GRAMD1B: variants seen among roughly 807,000 people sequenced by gnomAD.
GRAMD1B encodes the protein protein Aster-B.
GRAMD1B carries 37 observed loss-of-function variants against 99.7 expected under a neutral mutation model. The ratio of observed to expected loss-of-function variants is 0.37; its 90% CI spans 0.29 to 0.49. The LOEUF (loss-of-function observed/expected upper bound fraction) is 0.49. Ranked by LOEUF, GRAMD1B falls within the 20% of genes least tolerant of loss-of-function variation. The pLI, the probability that GRAMD1B is intolerant of heterozygous loss-of-function variation, is 0.98. For missense variants in GRAMD1B, 888 were observed against 1,009.2 expected (o/e 0.88, Z 1.63); for synonymous variants, 427 against 387.6 (o/e 1.10, Z -1.19).
chr11:123,511,042 C>T (rs1940953496), intron 2 of GRAMD1B, among the ~76,000 whole-genome samples: 1 of 151,902 alleles, frequency 6.6e-6, no homozygotes, highest in South Asian at 2.1e-4. Context: ...TCTCTTTATC[C>T]TGTCCCTTTT....
At chr11:123,601,287 A>C (rs1951924583) in intron 8 of GRAMD1B, among the ~76,000 whole-genome samples, 1 of 152,120 alleles carries the variant, frequency 6.6e-6, no homozygotes, top group African/African-American at 2.4e-5. Flanking sequence ...TGTTTAAATG[A>C]AACTATGAAG....
intron 1 of GRAMD1B, among the ~76,000 whole-genome samples, chr11:123,412,803 T>C (rs1333068247): frequency 6.6e-6 from 1 of 151,964 alleles, no homozygotes; most frequent in Admixed American, 6.6e-5. Context: ...ATTTTTGAGA[T>C]GGAGTTTTGC....
intron 19 of GRAMD1B, 64 bp downstream of exon 19, chr11:123,619,288 T>G: frequency 6.5e-7 from 1 of 1,542,704 alleles, no homozygotes; most frequent in African/African-American, 1.4e-5. Context: ...TCCCTTATGC[T>G]GTGAGAAAGA....
chr11:123,409,490 C>T (rs1271460026), intron 1 of GRAMD1B, among the ~76,000 whole-genome samples: 1 of 152,340 alleles, frequency 6.6e-6, no homozygotes. Context: ...AGCTGGGACA[C>T]TTCTGGTGTC....
chr11:123,543,693 G>A (rs1022790949), intron 2 of GRAMD1B, among the ~76,000 whole-genome samples: 1 of 152,196 alleles, frequency 6.6e-6, no homozygotes, highest in African/African-American at 2.4e-5. Context: ...AAGGTAGAAG[G>A]TCAAGAAATA....
chr11:123,455,181 G>A (rs1291593239), intron 1 of GRAMD1B, among the ~76,000 whole-genome samples: 1 of 152,090 alleles, frequency 6.6e-6, no homozygotes, highest in Non-Finnish European at 1.5e-5. Context: ...AGATGAGAGG[G>A]AAAAATATTT....
intron 1 of GRAMD1B, chr11:123,480,594 G>C (rs1302801916): frequency 2.8e-6 from 1 of 359,060 alleles, no homozygotes; most frequent in Non-Finnish European, 5.0e-6. Context: ...GTTTTGGCTG[G>C]CAACAGACAG....
upstream of GRAMD1B, among the ~76,000 whole-genome samples, chr11:123,427,169 C>A (rs140091628): frequency 6.6e-6 from 1 of 152,158 alleles, no homozygotes; most frequent in Admixed American, 6.5e-5. Flanking sequence ...CAAGTGCAAT[C>A]GCTGAGATTC....
At chr11:123,529,488 A>G (rs937129112) in intron 2 of GRAMD1B, among the ~76,000 whole-genome samples, 7 of 152,188 alleles carry the variant, frequency 4.6e-5, no homozygotes, top group Non-Finnish European at 2.9e-5. Flanking sequence ...TCAATAGGGT[A>G]AGAGCTTTAG....
At chr11:123,383,205 GCTCTCTCTCTCTCT>G (rs55890434) in intron 1 of GRAMD1B, among the ~76,000 whole-genome samples, 2 of 146,846 alleles carry the variant, frequency 1.4e-5, no homozygotes, top group African/African-American at 4.9e-5. Flanking sequence ...TCAGAGTCTT[GCTCTCTCTCTCTCT>G]CTCTCTCTCT....
At chr11:123,565,348 A>G (rs57939210) in intron 2 of GRAMD1B, among the ~76,000 whole-genome samples, 2,356 of 152,204 alleles carry the variant, frequency 0.015, 54 homozygotes, top group African/African-American at 0.053. Flanking sequence ...CATAGAGGCA[A>G]TTTTAAAAGT....
intron 1 of GRAMD1B, among the ~76,000 whole-genome samples, chr11:123,469,590 A>G (rs1034192409): frequency 6.6e-6 from 1 of 152,150 alleles, no homozygotes; most frequent in Non-Finnish European, 1.5e-5. Context: ...AGTGGTGGGA[A>G]TGCTCAGTTT....
chr11:123,571,828 T>C (rs1199179309), intron 2 of GRAMD1B, among the ~76,000 whole-genome samples: 1 of 152,132 alleles, frequency 6.6e-6, no homozygotes, highest in Non-Finnish European at 1.5e-5. Context: ...GAACATTCTC[T>C]TCTCTCCTAC....
In GRAMD1B at chr11:123,528,556, G is replaced by A. The variant is rs574114120; in HGVS notation, c.452+47663G>A. ...AGCAGACACAGAGTTTAAGTGGCCT[G>A]CTTGAAGGCATGCAGATAGGAACCA... On this transcript the variant is annotated intron_variant, in intron 2 of 19. Transcript: ENST00000635736. Among the ~76,000 whole-genome samples the A allele has an allele frequency of 9.9e-5, 15 of 152,264 alleles. No individual in the cohort carries two copies. In the South Asian group the frequency reaches 2.7e-3, roughly 27 times the overall value.
chr11:123,572,757 G>C (rs1948250447), intron 2 of GRAMD1B, among the ~76,000 whole-genome samples: 1 of 152,216 alleles, frequency 6.6e-6, no homozygotes, highest in African/African-American at 2.4e-5. Context: ...GACCCCAATG[G>C]CTGAGGCAGA....
chr11:123,495,404 C>A (rs1939129534), intron 2 of GRAMD1B, among the ~76,000 whole-genome samples: 1 of 152,116 alleles, frequency 6.6e-6, no homozygotes, highest in Non-Finnish European at 1.5e-5. Flanking sequence ...AGCATGTATT[C>A]TTTGTGTTAC....
At chr11:123,499,400 G>A (rs937779747) in intron 2 of GRAMD1B, among the ~76,000 whole-genome samples, 14 of 151,984 alleles carry the variant, frequency 9.2e-5, no homozygotes, top group African/African-American at 9.7e-5. Flanking sequence ...TTCTGTTATC[G>A]CAACAGAAAA....
chr11:123,382,200 T>A (rs1463444034), intron 1 of GRAMD1B, among the ~76,000 whole-genome samples: 1 of 152,134 alleles, frequency 6.6e-6, no homozygotes. Flanking sequence ...GAAAAATAAA[T>A]TAATATTTTA....
chr11:123,526,245 G>A (rs972492241), intron 2 of GRAMD1B: 42 of 1,283,436 alleles, frequency 3.3e-5, no homozygotes, highest in African/African-American at 4.4e-5. Context: ...GCACCCTCAA[G>A]AGGTCTCCTT....
Sources: allele counts gnomAD v4.1 joint callset (sites outside exome capture counted in the v4.1 genomes callset), GRCh38; gene constraint gnomAD v4.1.1; transcripts MANE v1.5; gene names NCBI Gene and HGNC (gene_info 2026-07-23, HGNC 2026-07-21).